The following TMPRSS9 variants were observed in gnomAD, a reference collection of about 807,000 sequenced individuals.
TMPRSS9 encodes the protein transmembrane protease serine 9.
A neutral mutation model predicts 111.4 loss-of-function variants in TMPRSS9; 113 were observed. The observed-to-expected ratio is 1.01, with a 90% CI of 0.87 to 1.19. The LOEUF (loss-of-function observed/expected upper bound fraction) is 1.19. Ranked by LOEUF, TMPRSS9 falls within the 50% of genes most tolerant of loss-of-function variation. TMPRSS9 has a pLI of 0.00. For missense variants in TMPRSS9, 1,803 were observed against 1,513.1 expected (o/e 1.19, Z -3.18); for synonymous variants, 805 against 659.1 (o/e 1.22, Z -3.39).
chr19:2,388,407 C>T (rs1221359674), upstream of TMPRSS9, among the ~76,000 whole-genome samples: 1 of 151,590 alleles, frequency 6.6e-6, no homozygotes, highest in South Asian at 2.1e-4. Context: ...AAAAAGGAGG[C>T]GGGAGGGTGA....
At chr19:2,415,247 G>A (rs12463182) in intron 10 of TMPRSS9, among the ~76,000 whole-genome samples, 25,565 of 151,866 alleles carry the variant, frequency 0.17, 2,298 homozygotes, top group Middle Eastern at 0.21. Context: ...GCCCGGCCAT[G>A]CTTCATTTCA....
chr19:2,385,154 C>CGCGGGG (rs1568172900), upstream of TMPRSS9, among the ~76,000 whole-genome samples: 5 of 84,234 alleles, frequency 5.9e-5, no homozygotes, highest in African/African-American at 2.3e-4. Context: ...GGGCGGAGCT[C>CGCGGGG]GCGGAGGGCG....
intron 13 of TMPRSS9, among the ~76,000 whole-genome samples, chr19:2,419,549 C>G (rs992061607): frequency 6.7e-6 from 1 of 149,972 alleles, no homozygotes; most frequent in African/African-American, 2.5e-5. Flanking sequence ...TGGAGTCTTA[C>G]TCTGTCGCCC....
chr19:2,405,596 C>A, intron 7 of TMPRSS9, 51 bp downstream of exon 8: 4 of 1,452,898 alleles, frequency 2.8e-6, no homozygotes, highest in Non-Finnish European at 3.6e-6. Flanking sequence ...ATTTCTCCTG[C>A]CTTCCCTCGT....
At chr19:2,366,753 A>G (rs1970250598) in intron 1 of TMPRSS9, among the ~76,000 whole-genome samples, 1 of 148,360 alleles carries the variant, frequency 6.7e-6, no homozygotes, top group African/African-American at 2.5e-5. Flanking sequence ...GCTACTCAGG[A>G]GGCGGAGGCA....
At chr19:2,413,193 TCAAAAA>T (rs961544391) in intron 9 of TMPRSS9, among the ~76,000 whole-genome samples, 5 of 151,870 alleles carry the variant, frequency 3.3e-5, no homozygotes, top group African/African-American at 7.3e-5. Flanking sequence ...AAACTCTATC[TCAAAAA>T]CAAAAACAAA....
chr19:2,368,691 T>C (rs1970265436), intron 1 of TMPRSS9, among the ~76,000 whole-genome samples: 1 of 151,718 alleles, frequency 6.6e-6, no homozygotes, highest in Admixed American at 6.6e-5. Flanking sequence ...GGGGCCCAAT[T>C]CTAGAGCTAC....
chr19:2,421,328 G>T (rs1971458324), intron 13 of TMPRSS9, among the ~76,000 whole-genome samples: 1 of 150,718 alleles, frequency 6.6e-6, no homozygotes, highest in Non-Finnish European at 1.5e-5. Context: ...TTGTTCCGTT[G>T]CCCAGGCTGG....
intron 12 of TMPRSS9, among the ~76,000 whole-genome samples, chr19:2,417,205 C>T (rs1053424992): frequency 6.6e-6 from 1 of 152,138 alleles, no homozygotes; most frequent in Non-Finnish European, 1.5e-5. Context: ...GTGGCTCACA[C>T]CTGTAATCCC....
chr19:2,386,258 C>G (rs549615453), upstream of TMPRSS9, among the ~76,000 whole-genome samples: 6 of 152,142 alleles, frequency 3.9e-5, no homozygotes, highest in Admixed American at 6.6e-5. Context: ...GTAATCCCAG[C>G]ATTTTGGGAG....
intron 1 of TMPRSS9, among the ~76,000 whole-genome samples, chr19:2,376,703 C>G (rs1292884340): frequency 6.6e-6 from 1 of 152,156 alleles, no homozygotes; most frequent in African/African-American, 2.4e-5. Flanking sequence ...ATGATCCGCT[C>G]TCCTTGGCCT....
intron 1 of TMPRSS9, among the ~76,000 whole-genome samples, chr19:2,369,564 A>AG (rs1443413550): frequency 3.3e-5 from 5 of 150,032 alleles, no homozygotes; most frequent in Non-Finnish European, 5.9e-5. Context: ...AGCTGGGACT[A>AG]CAGGTGTGTG....
intron 8 of TMPRSS9, among the ~76,000 whole-genome samples, chr19:2,409,045 A>C: frequency 7.0e-6 from 1 of 143,734 alleles, no homozygotes; most frequent in Non-Finnish European, 1.5e-5. Flanking sequence ...TGATGCAGAA[A>C]AACACAGTGG....
intron 8 of TMPRSS9, among the ~76,000 whole-genome samples, chr19:2,409,344 G>A (rs879615551): frequency 5.3e-5 from 8 of 151,926 alleles, no homozygotes; most frequent in East Asian, 3.9e-4. Context: ...AAGTTTCACC[G>A]TGTTGGCCGG....
chr19:2,383,605 G>A (rs2145265926), intron 1 of TMPRSS9, among the ~76,000 whole-genome samples: 1 of 150,858 alleles, frequency 6.6e-6, no homozygotes, highest in African/African-American at 2.4e-5. Context: ...CAAGGTGCTG[G>A]GATTACAGGT....
In TMPRSS9 at chr19:2,424,196, C is replaced by T. The variant is rs201604422; in HGVS notation, c.2656C>T (p.Arg886Cys). 256 of 1,457,866 alleles carry T rather than the reference C, an allele frequency of 1.8e-4. No homozygotes were observed. In the Middle Eastern group the frequency reaches 2.1e-3, roughly 12 times the overall value. The allele number at this position is 1,457,866 out of a possible 1,614,324, so 90.3% of individuals were successfully genotyped here. A position where few individuals can be genotyped will look rare whatever the true frequency, so the allele number is the denominator to read the frequency against. ...CCTGTGGCTGCGGCGCCGGGAACAC[C>T]GTTGCGGGGCCGTGCTGGTGGCAGA... Residue 886 changes from arginine (R) to cysteine (C), a missense_variant, in exon 15 of 18, where the codon CGT (arginine) becomes TGT (cysteine). Arg to Cys is a radical substitution (Grantham distance 180). Transcript: ENST00000648592.
chr19:2,424,874 C>T, intron 15 of TMPRSS9, 128 bp from the exon 17 acceptor site: 1 of 1,216,318 alleles, frequency 8.2e-7, no homozygotes, highest in Non-Finnish European at 1.1e-6. Flanking sequence ...CATTCCCAGA[C>T]CGACAGCCAG....
chr19:2,425,245 C>A, exon 16 of TMPRSS9: 1 of 1,406,990 alleles, frequency 7.1e-7, no homozygotes, highest in Non-Finnish European at 9.2e-7. Flanking sequence ...TCATCACCGG[C>A]TGGGGCTCGG....
intron 1 of TMPRSS9, among the ~76,000 whole-genome samples, chr19:2,384,551 C>G (rs1452064393): frequency 6.6e-6 from 1 of 150,868 alleles, no homozygotes; most frequent in Non-Finnish European, 1.5e-5. Flanking sequence ...CGCGGTGGCT[C>G]ACGCCTGTAA....
Sources: allele counts gnomAD v4.1 joint callset (sites outside exome capture counted in the v4.1 genomes callset), GRCh38; gene constraint gnomAD v4.1.1; transcripts MANE v1.5; gene names NCBI Gene and HGNC (gene_info 2026-07-23, HGNC 2026-07-21).